Variants in PARP14 observed in about 807,000 individuals in gnomAD.
PARP14 encodes the protein protein mono-ADP-ribosyltransferase PARP14.
Under a neutral mutation model 154.2 loss-of-function variants are expected in PARP14, and 59 were observed. The observed-to-expected ratio is 0.38, with a 90% CI of 0.31 to 0.48. The LOEUF (loss-of-function observed/expected upper bound fraction) is 0.48, where lower values mean the gene tolerates loss of function less well. Among genes scored for constraint, PARP14 ranks in the 20% least tolerant of loss-of-function variants. PARP14 has a pLI of 0.98. For missense variants in PARP14, 1,734 were observed against 2,131.6 expected (o/e 0.81, Z 3.67); for synonymous variants, 720 against 780.5 (o/e 0.92, Z 1.29).
chr3:122,695,504 T>C lies in PARP14; in HGVS notation c.677T>C (p.Val226Ala). The C allele has an allele frequency of 1.9e-6, 3 of 1,610,518 alleles. No homozygotes were observed. Among genetic ancestry groups the C allele is most frequent in the Non-Finnish European group, 1.7e-6 (2 of 1,177,698 alleles). ...QLQLSPRLLE[V>A]TNTIRVENLP... is the part of the protein sequence containing the mutation. ...CAGCTTTCTCCAAGACTTCTGGAAGTGACAAACACAATCAGGGTTGAAAAC... is the reference window on the plus strand; with the variant it reads ...CAGCTTTCTCCAAGACTTCTGGAAGCGACAAACACAATCAGGGTTGAAAAC... Residue 226 changes from valine (V) to alanine (A), a missense_variant, in exon 5 of 17, where the codon GTG (valine) becomes GCG (alanine). Around this residue, in one of 2 missense-constraint regions of PARP14, gnomAD observed 1,646 missense variants for 1,976.0 expected, o/e 0.83. Coordinates refer to ENST00000474629, the MANE Select transcript of PARP14 (RefSeq NM_017554.3).
chr3:122,691,740 T>G (rs145875052), intron 3 of PARP14, among the ~76,000 whole-genome samples: 1 of 152,266 alleles, frequency 6.6e-6, no homozygotes, highest in Non-Finnish European at 1.5e-5. Context: ...TTGAATAATT[T>G]TAGTCTGGTG....
intron 4 of PARP14, among the ~76,000 whole-genome samples, chr3:122,693,460 C>T (rs1938602588): frequency 6.6e-6 from 1 of 152,182 alleles, no homozygotes; most frequent in Non-Finnish European, 1.5e-5. Flanking sequence ...CTCCCTATGC[C>T]TCACTTTCCT....
intron 1 of PARP14, among the ~76,000 whole-genome samples, chr3:122,682,292 C>T (rs1376517385): frequency 6.6e-6 from 1 of 152,162 alleles, no homozygotes; most frequent in Non-Finnish European, 1.5e-5. Flanking sequence ...CGATCTGGCC[C>T]TTAAGGATGC....
At position 122,728,686 on chromosome 3, in the gene PARP14, AAC is replaced by A; in HGVS notation, c.*91_*92del. The A allele has an allele frequency of 9.9e-7, 1 of 1,014,528 alleles. No homozygotes were observed. The highest frequency in any genetic ancestry group is 1.5e-6 in the Non-Finnish European group (1 of 681,768). 62.8% of individuals were successfully genotyped at this position (1,014,528 alleles called of 1,614,324 possible). ...TTAGCTTTTTTTTTTAATTCCTCTT[AAC>A]AGATTTTTCTAATATCCAAGGATCA... On this transcript the variant is annotated 3_prime_UTR_variant, in exon 17 of 17. Coordinates refer to ENST00000474629, the MANE Select transcript of PARP14 (RefSeq NM_017554.3).
chr3:122,703,958 G>A lies in PARP14; in HGVS notation c.3298G>A (p.Gly1100Ser), dbSNP rs1228288019. The change falls in exon 7 of 17, where the codon GGT becomes AGT. Residue 1100 changes from glycine (G) to serine (S), a missense_variant. Coordinates refer to ENST00000474629, the MANE Select transcript of PARP14 (RefSeq NM_017554.3). The stretch of plus-strand genomic sequence containing the variant: ...CGTGGTAGCTCCGGAGTGGAGAAAT[G>A]GTAGCACATCTTCACTCAAGGTTGG... The part of the protein sequence containing the change: ...LHVVAPEWRN[G>S]STSSLKIMED... 4 of 1,613,064 alleles carry A rather than the reference G, an allele frequency of 2.5e-6. No homozygotes were observed. The highest frequency in any genetic ancestry group is 1.7e-5 in the Admixed American group (1 of 60,002).
intron 6 of PARP14, among the ~76,000 whole-genome samples, chr3:122,703,156 A>G (rs765221393): frequency 5.3e-5 from 8 of 152,036 alleles, no homozygotes; most frequent in African/African-American, 1.5e-4. Context: ...ACTTGGTTAC[A>G]TTCCCTCTCC....
At chr3:122,724,943 G>A (rs1315083963) in intron 15 of PARP14, among the ~76,000 whole-genome samples, 4 of 152,198 alleles carry the variant, frequency 2.6e-5, no homozygotes, top group African/African-American at 7.2e-5. Flanking sequence ...CACAGCACAT[G>A]TTTCAGAGAG....
chr3:122,708,940 A>G (rs554133543), intron 9 of PARP14, among the ~76,000 whole-genome samples: 4 of 152,200 alleles, frequency 2.6e-5, no homozygotes, highest in Non-Finnish European at 5.9e-5. Flanking sequence ...GAGCCCATCC[A>G]GTGAATGTTT....
chr3:122,694,835 A>C lies in PARP14; in HGVS notation c.599-591A>C, dbSNP rs535400883. On this transcript the variant is annotated intron_variant, in intron 4 of 16. Coordinates refer to ENST00000474629, the MANE Select transcript of PARP14 (RefSeq NM_017554.3). ...ACGCCCGGCCAATACTTATTATTAA[A>C]GAGACAATTGAGTTGAGTCCTAAAA... Among the ~76,000 whole-genome samples, 6 of 152,286 alleles carry C rather than the reference A, an allele frequency of 3.9e-5. No homozygotes were observed. The South Asian group carries it at 1.2e-3, about 32-fold the overall frequency.
At position 122,722,688 on chromosome 3, in the gene PARP14, C is replaced by G. The variant is rs1396931860; in HGVS notation, c.4941+2300C>G. On this transcript the variant is annotated intron_variant, in intron 15 of 16. Transcript: ENST00000474629. ...ATGGGTGGTCTGTCATCCTCTATGACTATTATGTCTTATGATTAAGGTTTT... is the reference window on the plus strand; with the variant it reads ...ATGGGTGGTCTGTCATCCTCTATGAGTATTATGTCTTATGATTAAGGTTTT... 2.0e-5 allele frequency: 3 copies of G among 152,126 alleles called. No homozygotes were observed. The East Asian group carries it at 5.8e-4, about 29-fold the overall frequency. 9.4% of individuals were successfully genotyped at this position (152,126 alleles called of 1,614,324 possible).
chr3:122,683,080 A>C lies in PARP14; in HGVS notation c.187+2010A>C, dbSNP rs540685999. Among the ~76,000 whole-genome samples the C allele has an allele frequency of 2.6e-5, 4 of 151,936 alleles. No individual in the cohort carries two copies. The East Asian group carries it at 7.7e-4, about 29-fold the overall frequency. ...AACAAAACAAAAACAAACAAACAAA[A>C]AGAAACAAACAAACAAAAACAAACT... On this transcript the variant is annotated intron_variant, in intron 1 of 16. Transcript: ENST00000474629.
chr3:122,712,337 G>A (rs1056856252), intron 9 of PARP14, among the ~76,000 whole-genome samples: 2 of 151,586 alleles, frequency 1.3e-5, no homozygotes, highest in African/African-American at 4.9e-5. Context: ...TCCGCCTCCC[G>A]GGTTCAAGTG....
chr3:122,687,864 T>C (rs1938420671), intron 3 of PARP14, among the ~76,000 whole-genome samples: 1 of 152,254 alleles, frequency 6.6e-6, no homozygotes, highest in African/African-American at 2.4e-5. Flanking sequence ...ATGAACAATG[T>C]ATAATCATTG....
At chr3:122,724,905 G>A (rs903896421) in intron 15 of PARP14, among the ~76,000 whole-genome samples, 9 of 152,034 alleles carry the variant, frequency 5.9e-5, no homozygotes, top group African/African-American at 1.4e-4. Flanking sequence ...ATCTTGCACC[G>A]CCCTTAATCC....
intron 13 of PARP14, 38 bp from the exon 14 acceptor site, chr3:122,718,321 G>T (rs1415214862): frequency 6.2e-7 from 1 of 1,612,154 alleles, no homozygotes; most frequent in South Asian, 1.1e-5. Flanking sequence ...TAACGTTGAT[G>T]TCACATGTGA....
chr3:122,683,131 TG>T (rs1560043273), intron 1 of PARP14, among the ~76,000 whole-genome samples: 1 of 152,088 alleles, frequency 6.6e-6, no homozygotes, highest in Non-Finnish European at 1.5e-5. Flanking sequence ...TCTAAGTTCT[TG>T]GGGGTGGAAA....
intron 15 of PARP14, among the ~76,000 whole-genome samples, chr3:122,726,315 G>A (rs1189104447): frequency 6.6e-6 from 1 of 152,050 alleles, no homozygotes; most frequent in African/African-American, 2.4e-5. Flanking sequence ...ATCTGAAAAC[G>A]TCTCTTTCTC....
At chr3:122,715,326 C>A (rs1211361280) in intron 12 of PARP14, among the ~76,000 whole-genome samples, 2 of 152,082 alleles carry the variant, frequency 1.3e-5, no homozygotes, top group Non-Finnish European at 2.9e-5. Context: ...AAGTTTGAAT[C>A]TCTTATGCTG....
Position 122,714,272 on chromosome 3 carries a change from C to T in PARP14, c.3843C>T (p.Arg1281=). 1 of 1,595,628 alleles carries T rather than the reference C, an allele frequency of 6.3e-7. No individual in the cohort carries two copies. The highest frequency in any genetic ancestry group is 1.4e-5 in the African/African-American group (1 of 73,494). ...GTCTGTGTTTCCCAGCTCAGCAGCG[C>T]AAAAATGATTATATAATCACCGGAG... ...ERECSQQAQQ[R]KNDYIITGGG... Residue 1281 remains arginine (R), a synonymous_variant, in exon 12 of 17, where the codon CGC becomes CGT. Transcript: ENST00000474629.
Sources: gnomAD v4.1 joint callset for allele counts (sites outside exome capture counted in the v4.1 genomes callset) on GRCh38, gnomAD v4.1.1 for gene constraint, gnomAD v4.1.1 regional missense constraint, MANE v1.5 for transcripts, NCBI Gene and HGNC (gene_info 2026-07-23, HGNC 2026-07-21) for gene names.